The following ENTREP2 variants were observed in gnomAD, a reference collection of about 807,000 sequenced individuals.
The protein encoded by ENTREP2 is endosomal transmembrane epsin interactor 2.
the ENTREP2 span, among the ~76,000 whole-genome samples, chr15:29,225,014 G>A: frequency 1.7e-4 from 26 of 152,340 alleles, 1 homozygote; most frequent in Admixed American, 1.0e-3. Flanking sequence ...CTCACTGCCC[G>A]GGCCGGCGGG....
chr15:29,674,790 G>C, the ENTREP2 span, among the ~76,000 whole-genome samples: 3 of 151,392 alleles, frequency 2.0e-5, no homozygotes, highest in Non-Finnish European at 3.0e-5. Context: ...CGCGGAGGAA[G>C]GGGCGGGCTT....
chr15:29,144,342 A>G, the ENTREP2 span, among the ~76,000 whole-genome samples: 1 of 152,224 alleles, frequency 6.6e-6, no homozygotes, highest in Non-Finnish European at 1.5e-5. Context: ...TGAGAAGAAT[A>G]GAAAATGTGA....
chr15:29,514,357 G>C, the ENTREP2 span, among the ~76,000 whole-genome samples: 1 of 152,164 alleles, frequency 6.6e-6, no homozygotes, highest in African/African-American at 2.4e-5. Context: ...TGTCCTCAAA[G>C]TTCATCCATG....
chr15:29,372,561 C>T, the ENTREP2 span, among the ~76,000 whole-genome samples: 1 of 152,060 alleles, frequency 6.6e-6, no homozygotes, highest in East Asian at 1.9e-4. Flanking sequence ...ACTCTATATC[C>T]CCATCTCTAA....
At chr15:29,129,263 C>T in the ENTREP2 span, among the ~76,000 whole-genome samples, 2 of 152,080 alleles carry the variant, frequency 1.3e-5, no homozygotes, top group African/African-American at 4.8e-5. Flanking sequence ...TGGGGTTTTG[C>T]CATCTTGGCC....
At chr15:29,240,430 G>A in the ENTREP2 span, among the ~76,000 whole-genome samples, 3 of 152,104 alleles carry the variant, frequency 2.0e-5, no homozygotes, top group African/African-American at 7.2e-5. Context: ...GTTGGGAGGC[G>A]GGGGCCTATG....
the ENTREP2 span, among the ~76,000 whole-genome samples, chr15:29,625,302 G>T: frequency 6.6e-6 from 1 of 152,148 alleles, no homozygotes; most frequent in Non-Finnish European, 1.5e-5. Context: ...TCCACTGTTT[G>T]GTTATTATGA....
At chr15:29,454,508 TCA>T in the ENTREP2 span, among the ~76,000 whole-genome samples, 1 of 152,168 alleles carries the variant, frequency 6.6e-6, no homozygotes, top group Non-Finnish European at 1.5e-5. Context: ...GCTCCCCCAC[TCA>T]CTATCTCAGT....
the ENTREP2 span, among the ~76,000 whole-genome samples, chr15:29,665,880 G>T: frequency 7.0e-6 from 1 of 141,904 alleles, no homozygotes; most frequent in Admixed American, 7.2e-5. Flanking sequence ...TTGAGCCAGA[G>T]TCTCGCTCTG....
chr15:29,504,956 T>C, the ENTREP2 span, among the ~76,000 whole-genome samples: 482 of 152,368 alleles, frequency 3.2e-3, 4 homozygotes, highest in African/African-American at 0.011. Context: ...TCTGAAGTTG[T>C]GCAAAGATTT....
the ENTREP2 span, among the ~76,000 whole-genome samples, chr15:29,476,654 C>T: frequency 6.6e-6 from 1 of 152,224 alleles, no homozygotes. Context: ...TGAGGACAGA[C>T]ATTTCCCTCG....
the ENTREP2 span, among the ~76,000 whole-genome samples, chr15:29,452,294 G>A: frequency 1.3e-5 from 2 of 152,166 alleles, no homozygotes; most frequent in African/African-American, 2.4e-5. Context: ...GCAGGCAAGA[G>A]GGGAAGTGGA....
the ENTREP2 span, among the ~76,000 whole-genome samples, chr15:29,175,564 T>C: frequency 6.6e-6 from 1 of 152,230 alleles, no homozygotes; most frequent in Non-Finnish European, 1.5e-5. Flanking sequence ...GTGCTCCTTG[T>C]GTTCAACTGA....
At chr15:29,663,945 T>C in the ENTREP2 span, among the ~76,000 whole-genome samples, 1 of 151,574 alleles carries the variant, frequency 6.6e-6, no homozygotes, top group South Asian at 2.1e-4. Context: ...GGAGAATCAC[T>C]TGAACCCAGG....
the ENTREP2 span, among the ~76,000 whole-genome samples, chr15:29,274,021 T>A: frequency 1.3e-5 from 2 of 152,144 alleles, no homozygotes; most frequent in Admixed American, 6.5e-5. Context: ...CATATATACA[T>A]CTATTCTATT....
chr15:29,235,959 T>A, the ENTREP2 span, among the ~76,000 whole-genome samples: 5 of 149,156 alleles, frequency 3.4e-5, no homozygotes, highest in African/African-American at 1.2e-4. Context: ...TGAGACTCCA[T>A]CTCAAAAAAA....
the ENTREP2 span, among the ~76,000 whole-genome samples, chr15:29,256,409 TA>T: frequency 3.3e-5 from 5 of 152,222 alleles, no homozygotes; most frequent in Non-Finnish European, 5.9e-5. Context: ...ATATTAATTT[TA>T]CATCTGTATC....
At chr15:29,394,878 ATCTCTTTTTT>A in the ENTREP2 span, among the ~76,000 whole-genome samples, 6,697 of 42,890 alleles carry the variant, frequency 0.16, 514 homozygotes, top group African/African-American at 0.27. Context: ...ATGTGTCAGA[ATCTCTTTTTT>A]TTTTTTTTTT....
At chr15:29,617,419 T>C in the ENTREP2 span, among the ~76,000 whole-genome samples, 1 of 152,160 alleles carries the variant, frequency 6.6e-6, no homozygotes, top group Non-Finnish European at 1.5e-5. Context: ...GATCTTTACT[T>C]AGTCAATGGA....
Sources: gnomAD v4.1 joint callset for allele counts (sites outside exome capture counted in the v4.1 genomes callset) on GRCh38, gnomAD v4.1.1 for gene constraint, MANE v1.5 for transcripts, NCBI Gene and HGNC (gene_info 2026-07-23, HGNC 2026-07-21) for gene names.